Variants in CIAO3 observed in about 807,000 individuals in gnomAD.
CIAO3 encodes cytosolic iron-sulfur assembly component 3, also known as LET1 like/JFP15.
In CIAO3, 45 loss-of-function variants were observed where a neutral mutation model predicts 51.5. That is an observed-to-expected ratio of 0.87 (90% CI 0.69 to 1.12). CIAO3 has a LOEUF of 1.12. Ranked by LOEUF, CIAO3 falls within the 50% of genes most tolerant of loss-of-function variation. CIAO3 has a pLI of 0.00. For synonymous variants in CIAO3, 314 were observed against 269.3 expected, an observed-to-expected ratio of 1.17 and a Z score of -1.63; for missense variants, 668 against 632.5, an observed-to-expected ratio of 1.06 and a Z score of -0.60.
rs760961193 is a variant in CIAO3 at position 736,269 on chromosome 16, T to A, written c.436A>T (p.Ile146Leu). Residue 146 changes from isoleucine (I) to leucine (L), a missense_variant, in exon 4 of 11, where the codon ATA becomes TTA. Ile to Leu is a conservative substitution (Grantham distance 5). Coordinates refer to ENST00000251588, the MANE Select transcript of CIAO3 (RefSeq NM_022493.3). ...ARKLTSFFKK[I>L]GVHFVFDTAF... Reference sequence around the variant, plus strand: ...TTACCCCAGGTTCAAAGCCTACCTATTTTTTTAAAGAATGAGGTTAATTTC... The same window carrying A: ...TTACCCCAGGTTCAAAGCCTACCTAATTTTTTAAAGAATGAGGTTAATTTC... 1.3e-5 allele frequency: 21 copies of A among 1,612,436 alleles called. No individual in the cohort carries two copies. The highest frequency in any genetic ancestry group is 1.7e-5 in the Admixed American group (1 of 59,962).
In CIAO3 at chr16:737,138, G is replaced by A. The variant is rs954256126; in HGVS notation, c.306+48C>T. On this transcript the variant is annotated intron_variant, in intron 3 of 10. Transcript: ENST00000251588. This position sits in a 1 kb window ranked among gnomAD's most constrained non-coding sequence, Gnocchi z 5.3. The stretch of plus-strand genomic sequence containing the variant: ...TGGCAAAACGCGTTGTCGGCTGCTG[G>A]GATGGATTTCAGGTTAAAGCAGAGT... 4.4e-6 allele frequency: 7 copies of A among 1,605,174 alleles called. No homozygotes were observed. The African/African-American group carries it at 8.0e-5, about 18-fold the overall frequency.
intron 7 of CIAO3, chr16:732,638 GCTTTT>G: frequency 1.9e-6 from 1 of 531,390 alleles, no homozygotes; most frequent in Non-Finnish European, 3.5e-6. Context: ...TAGGCAGTCT[GCTTTT>G]CTTTTTTTTT....
rs566742847 is a variant in CIAO3, at chr16:737,324, G to A, written c.168C>T (p.Gly56=). 1.7e-5 allele frequency: 28 copies of A among 1,612,948 alleles called. No homozygotes were observed. The highest frequency in any genetic ancestry group is 2.1e-5 in the Non-Finnish European group (25 of 1,179,982). The change falls in exon 3 of 11, where the codon GGC becomes GGT. Residue 56 remains glycine, a synonymous_variant. Transcript: ENST00000251588. This position sits in a 1 kb window ranked among gnomAD's most constrained non-coding sequence, Gnocchi z 5.3. The part of the protein sequence containing the change: ...DGSYFQINQD[G]GTRRLEKAKV... ...TGGCCTTCTCCAGCCTCCGGGTCCC[G>A]CCGTCCTACAAGGGAGAAGAACCCG... is the stretch of plus-strand genomic sequence containing the variant.
At chr16:739,460 A>C (rs976465502) in intron 2 of CIAO3, 183 bp downstream of exon 2, 18 of 636,404 alleles carry the variant, frequency 2.8e-5, no homozygotes, top group Non-Finnish European at 4.8e-5. Flanking sequence ...GGTGCTGCTC[A>C]TTCACCTGCC....
Position 740,976 on chromosome 16 carries a change from G to A in CIAO3, c.10C>T (p.Pro4Ser). The change falls in exon 1 of 11, where the codon CCC (proline) becomes TCC (serine). Residue 4 changes from proline to serine, a missense_variant. Transcript: ENST00000251588. The part of the protein sequence containing the change: MAS[P>S]FSGALQLTDL... ...GTCAGCTGCAGCGCCCCGCTGAAGG[G>A]CGACGCCATGACGGCCGCACTGCCG... 6.6e-7 allele frequency: 1 copy of A among 1,511,192 alleles called. No homozygotes were observed. Among genetic ancestry groups the A allele is most frequent in the Non-Finnish European group, 8.8e-7 (1 of 1,133,010 alleles). The allele number at this position is 1,511,192 out of a possible 1,614,324, so 93.6% of individuals were successfully genotyped here.
intron 6 of CIAO3, 186 bp from the exon 7 acceptor site, chr16:733,613 C>T: frequency 3.7e-6 from 3 of 801,800 alleles, no homozygotes; most frequent in Non-Finnish European, 5.7e-6. Context: ...CTGGCTGTGA[C>T]AGAAAATGAC....
intron 9 of CIAO3, 49 bp downstream of exon 9, chr16:731,516 T>C: frequency 6.6e-7 from 1 of 1,507,042 alleles, no homozygotes; most frequent in Non-Finnish European, 8.9e-7. Flanking sequence ...CGAGGAAGGC[T>C]GGGGGCTGTG....
intron 1 of CIAO3, chr16:740,157 T>C (rs1189649098): frequency 2.4e-6 from 3 of 1,272,008 alleles, no homozygotes; most frequent in Non-Finnish European, 3.1e-6. Flanking sequence ...GATTTCTCTC[T>C]CTTCTCCTTG....
chr16:739,555 G>A (rs547281145), intron 2 of CIAO3, 88 bp downstream of exon 2: 5 of 1,320,314 alleles, frequency 3.8e-6, no homozygotes, highest in African/African-American at 2.9e-5. Context: ...GTGTCTCGGG[G>A]TCACCGCTCT....
intron 3 of CIAO3, among the ~76,000 whole-genome samples, chr16:736,685 G>T (rs59678611): frequency 0.053 from 8,053 of 151,256 alleles, 731 homozygotes; most frequent in African/African-American, 0.19. Context: ...GTTTTTTTTT[G>T]ATGGAGTCTC....
At position 740,913 on chromosome 16, in the gene CIAO3, G is replaced by A. The variant is rs1306488088; in HGVS notation, c.66+7C>T. On this transcript the variant is annotated splice_region_variant and intron_variant, in intron 1 of 10. Transcript: ENST00000251588. ...AGCCTCGACCCCGCCCGCCCAGGCC[G>A]GCCCACCTGAGACGGCCCGATGAAG... 3.9e-6 allele frequency: 6 copies of A among 1,529,136 alleles called. No homozygotes were observed. The highest frequency in any genetic ancestry group is 2.0e-5 in the Admixed American group (1 of 50,600). The allele number at this position is 1,529,136 out of a possible 1,614,324, so 94.7% of individuals were successfully genotyped here.
In CIAO3 at chr16:730,439, G is replaced by C. The variant is rs376469524; in HGVS notation, c.1409C>G (p.Thr470Ser). 6.2e-6 allele frequency: 10 copies of C among 1,603,784 alleles called. No individual in the cohort carries two copies. The Admixed American group carries it at 1.0e-4, about 16-fold the overall frequency. Residue 470 changes from threonine to serine, a missense_variant, in exon 11 of 11, where the codon ACT becomes AGT. Transcript: ENST00000251588. The part of the protein sequence containing the change: ...TQYHAVEKAS[T>S]GLGIRW ...CCCCTACCACCGGATGCCCAGGCCA[G>C]TGCTGGCCTTCTCCACGGCGTGGTA...
chr16:734,661 T>C (rs530077615), intron 5 of CIAO3, 76 bp downstream of exon 5: 242 of 1,610,508 alleles, frequency 1.5e-4, no homozygotes, highest in Non-Finnish European at 1.9e-4. Flanking sequence ...CCCCGCCTTG[T>C]CATTTGTGTC....
chr16:739,496 C>T, intron 2 of CIAO3, 147 bp downstream of exon 2: 1 of 798,184 alleles, frequency 1.3e-6, no homozygotes, highest in South Asian at 1.5e-5. Flanking sequence ...CCCAGCCTCC[C>T]AGATGGCAGG....
At chr16:732,257 C>A in intron 8 of CIAO3, 44 bp downstream of exon 8, 1 of 1,557,758 alleles carries the variant, frequency 6.4e-7, no homozygotes, top group Non-Finnish European at 8.7e-7. Context: ...TCAGAGGCAG[C>A]GTTAGAAGCT....
At chr16:740,898 C>A in intron 1 of CIAO3, 22 bp downstream of exon 1, 1 of 1,528,186 alleles carries the variant, frequency 6.5e-7, no homozygotes. Context: ...AGCCTCGACC[C>A]CGCCCGCCCA....
At chr16:732,452 TC>T in intron 7 of CIAO3, 79 bp from the exon 8 acceptor site, 2 of 1,509,712 alleles carry the variant, frequency 1.3e-6, no homozygotes, top group Non-Finnish European at 9.2e-7. Flanking sequence ...GCCACCTGCA[TC>T]CCCAGCAGTC....
In CIAO3 at chr16:737,344, A is replaced by G. The variant is rs1018158938; in HGVS notation, c.163-15T>C. The G allele has an allele frequency of 6.2e-7, 1 of 1,612,448 alleles. No homozygotes were observed. The highest frequency in any genetic ancestry group is 1.7e-5 in the Admixed American group (1 of 60,016). ...GTCCCGCCGTCCTACAAGGGAGAAGAACCCGGTGCACAGGGGCCCCCTCTG... is the reference window on the plus strand; with the variant it reads ...GTCCCGCCGTCCTACAAGGGAGAAGGACCCGGTGCACAGGGGCCCCCTCTG... On this transcript the variant is annotated splice_polypyrimidine_tract_variant and intron_variant, in intron 2 of 10. Coordinates refer to ENST00000251588, the MANE Select transcript of CIAO3 (RefSeq NM_022493.3). The surrounding 1 kb of genome is among the most constrained non-coding windows in gnomAD (Gnocchi z 5.3).
intron 9 of CIAO3, 68 bp downstream of exon 9, chr16:731,497 G>A: frequency 6.8e-7 from 1 of 1,466,648 alleles, no homozygotes; most frequent in South Asian, 1.4e-5. Context: ...CCCAGGGGAG[G>A]CAGCAGCCCG....
Sources: allele counts gnomAD v4.1 joint callset (sites outside exome capture counted in the v4.1 genomes callset), GRCh38; gene constraint gnomAD v4.1.1; non-coding constraint Gnocchi (gnomAD v3.1); transcripts MANE v1.5; gene names NCBI Gene and HGNC (gene_info 2026-07-23, HGNC 2026-07-21).